WDR7: variants seen among roughly 807,000 people sequenced by gnomAD.
WDR7 encodes WD repeat-containing protein 7.
WDR7 carries 46 observed loss-of-function variants against 169.4 expected under a neutral mutation model. The ratio of observed to expected loss-of-function variants is 0.27; its 90% confidence interval spans 0.21 to 0.35. The LOEUF (loss-of-function observed/expected upper bound fraction) is 0.35, where lower values mean the gene tolerates loss of function less well. Among genes scored for constraint, WDR7 ranks in the 10% least tolerant of loss-of-function variants. The pLI, the probability that WDR7 is intolerant of heterozygous loss-of-function variation, is 1.00. For synonymous variants in WDR7, 612 were observed against 666.8 expected, an observed-to-expected ratio of 0.92 and a Z score of 1.27; for missense variants, 1,534 against 1,859.3, an observed-to-expected ratio of 0.83 and a Z score of 3.22.
intron 1 of WDR7, among the ~76,000 whole-genome samples, chr18:56,657,913 C>T (rs987008410): frequency 5.3e-5 from 8 of 150,056 alleles, no homozygotes; most frequent in South Asian, 4.2e-4. Context: ...ATGTTGGTGA[C>T]GTTTAATGAA....
chr18:56,831,429 G>A (rs2045306524), intron 20 of WDR7, among the ~76,000 whole-genome samples: 1 of 152,176 alleles, frequency 6.6e-6, no homozygotes, highest in African/African-American at 2.4e-5. Context: ...ACTGGGGAAT[G>A]ATGCTGGGGC....
intron 25 of WDR7, among the ~76,000 whole-genome samples, chr18:56,940,923 T>C (rs570152252): frequency 1.3e-3 from 195 of 152,300 alleles, no homozygotes; most frequent in Non-Finnish European, 2.1e-3. Context: ...GCATATGCAC[T>C]TTTGTTTCCT....
Position 56,756,497 on chromosome 18 carries a change from T to G in WDR7, c.1990-86T>G, listed in dbSNP as rs954235164. On this transcript the variant is annotated intron_variant, in intron 14 of 27. Coordinates refer to ENST00000254442, the MANE Select transcript of WDR7 (RefSeq NM_015285.3). ...AAGGACAGCTTAATAAGCATGTTAA[T>G]TCCTCTGATTATTTATTGTTTATTA... 5.0e-6 allele frequency: 6 copies of G among 1,189,676 alleles called. No homozygotes were observed. In the African/African-American group the frequency reaches 9.2e-5, roughly 18 times the overall value. The allele number at this position is 1,189,676 out of a possible 1,614,324, so 73.7% of individuals were successfully genotyped here. A position where few individuals can be genotyped will look rare whatever the true frequency, so the allele number is the denominator to read the frequency against.
intron 26 of WDR7, among the ~76,000 whole-genome samples, chr18:56,964,584 C>T (rs2047381407): frequency 6.6e-6 from 1 of 152,086 alleles, no homozygotes; most frequent in Non-Finnish European, 1.5e-5. Flanking sequence ...GATGGGGTCT[C>T]ATCATGTTGG....
At chr18:56,845,513 G>A (rs369347807) in intron 20 of WDR7, among the ~76,000 whole-genome samples, 8 of 152,106 alleles carry the variant, frequency 5.3e-5, no homozygotes, top group African/African-American at 4.8e-5. Flanking sequence ...GAAATACAGC[G>A]TTTTTCATGG....
At chr18:56,758,983 A>G in intron 16 of WDR7, 30 bp downstream of exon 16, 3 of 1,563,938 alleles carry the variant, frequency 1.9e-6, no homozygotes, top group Non-Finnish European at 2.6e-6. Flanking sequence ...AGTAATTGAC[A>G]TGACATTTCA....
At chr18:56,946,314 G>A (rs1300418193) in intron 25 of WDR7, among the ~76,000 whole-genome samples, 2 of 152,180 alleles carry the variant, frequency 1.3e-5, no homozygotes, top group Admixed American at 6.5e-5. Context: ...TGGTGGCCCC[G>A]TTATCGCAGG....
chr18:56,938,426 G>T, intron 23 of WDR7, 107 bp from the exon 24 acceptor site: 2 of 1,392,154 alleles, frequency 1.4e-6, no homozygotes, highest in Non-Finnish European at 1.9e-6. Flanking sequence ...TCACCCACAA[G>T]AAGTTTATTT....
chr18:57,035,572 G>C, the WDR7 span: 1 of 152,256 alleles, frequency 6.6e-6, no homozygotes, highest in Non-Finnish European at 1.5e-5. Flanking sequence ...GAGAGGCTGG[G>C]GACATTCATT....
rs540500484 is a variant in WDR7, at chr18:56,823,235, C to T, written c.3304+7091C>T. ...AGCCTTCTCTTTTCAATATCAGATT[C>T]GTATGTCCTCCTGCCTGAATGTCCT... On this transcript the variant is annotated intron_variant, in intron 20 of 27. Coordinates refer to ENST00000254442, the MANE Select transcript of WDR7 (RefSeq NM_015285.3). Among the ~76,000 whole-genome samples the T allele has an allele frequency of 1.3e-3, 195 of 152,238 alleles. 1 individual carries two copies. Among genetic ancestry groups the T allele is most frequent in the Admixed American group, 4.3e-3 (66 of 15,290 alleles).
chr18:56,937,716 G>A (rs2046978973), intron 23 of WDR7, among the ~76,000 whole-genome samples: 1 of 152,172 alleles, frequency 6.6e-6, no homozygotes, highest in Non-Finnish European at 1.5e-5. Flanking sequence ...GACACAGTGA[G>A]TGTGGTTAAA....
At chr18:56,755,535 C>A (rs1599018818) in intron 14 of WDR7, among the ~76,000 whole-genome samples, 1 of 152,124 alleles carries the variant, frequency 6.6e-6, no homozygotes, top group South Asian at 2.1e-4. Context: ...AGAATGATTT[C>A]CAGCTGATGA....
intron 21 of WDR7, among the ~76,000 whole-genome samples, chr18:56,887,818 A>G (rs1023502791): frequency 6.6e-6 from 1 of 152,128 alleles, no homozygotes; most frequent in Non-Finnish European, 1.5e-5. Flanking sequence ...AAACAATTAG[A>G]TGTCTAAATG....
intron 22 of WDR7, among the ~76,000 whole-genome samples, chr18:56,933,911 C>T (rs897470449): frequency 6.6e-6 from 1 of 152,212 alleles, no homozygotes; most frequent in Non-Finnish European, 1.5e-5. Flanking sequence ...CCTTCCAGAT[C>T]TAGGAGGGGC....
chr18:56,910,799 G>A (rs150270361), intron 21 of WDR7, among the ~76,000 whole-genome samples: 297 of 152,120 alleles, frequency 2.0e-3, no homozygotes, highest in African/African-American at 6.8e-3. Flanking sequence ...TCAGATAGTC[G>A]GGAATTCATA....
intron 19 of WDR7, 39 bp downstream of exon 19, chr18:56,781,695 A>G (rs1477828338): frequency 2.7e-6 from 4 of 1,499,680 alleles, no homozygotes; most frequent in Admixed American, 4.2e-5. Flanking sequence ...CTTTGCAGGA[A>G]TATGTAGAAA....
chr18:56,778,854 G>A (rs891066630), intron 17 of WDR7, among the ~76,000 whole-genome samples: 6 of 152,126 alleles, frequency 3.9e-5, no homozygotes, highest in African/African-American at 1.2e-4. Flanking sequence ...TTTCCAAATT[G>A]GGGGTTATGT....
intron 26 of WDR7, among the ~76,000 whole-genome samples, chr18:57,001,931 C>T (rs764712764): frequency 1.1e-4 from 16 of 152,086 alleles, no homozygotes; most frequent in Non-Finnish European, 2.2e-4. Flanking sequence ...AACTAGAAAA[C>T]TGGGCCTGTC....
chr18:56,964,363 A>G (rs151102997), intron 26 of WDR7, among the ~76,000 whole-genome samples: 5 of 152,058 alleles, frequency 3.3e-5, no homozygotes, highest in African/African-American at 1.2e-4. Flanking sequence ...ATATTTAGGC[A>G]TCTTATTTTT....
Sources: gnomAD v4.1 joint callset for allele counts (sites outside exome capture counted in the v4.1 genomes callset) on GRCh38, gnomAD v4.1.1 for gene constraint, MANE v1.5 for transcripts, NCBI Gene and HGNC (gene_info 2026-07-23, HGNC 2026-07-21) for gene names.